The following COL1A1 variants were observed in gnomAD, a reference collection of about 807,000 sequenced individuals.
COL1A1 encodes collagen alpha-1(I) chain.
A neutral mutation model predicts 195.7 loss-of-function variants in COL1A1; 21 were observed. The ratio of observed to expected loss-of-function variants is 0.11; its 90% CI spans 0.08 to 0.15. COL1A1 has a LOEUF of 0.15. COL1A1 is among the 10% of genes least tolerant of loss of function. The probability of loss-of-function intolerance (pLI) is 1.00; values close to 1 mark genes in which losing one functional copy is unlikely to be tolerated. For missense variants in COL1A1, 1,365 were observed against 2,051.0 expected (o/e 0.67, Z 6.46); for synonymous variants, 749 against 747.3 (o/e 1.00, Z -0.04).
In COL1A1 at chr17:50,190,787, G is replaced by A. The variant is rs1045582292; in HGVS notation, c.2343+30C>T. 4.4e-6 allele frequency: 7 copies of A among 1,585,502 alleles called. No homozygotes were observed. Among genetic ancestry groups the A allele is most frequent in the Admixed American group, 1.7e-5 (1 of 59,934 alleles). On this transcript the variant is annotated intron_variant, in intron 33 of 50. Transcript: ENST00000225964. The surrounding 1 kb of genome is among the most constrained non-coding windows in gnomAD (Gnocchi z 4.7). ...GGCCTGCTGAGGAGGCTATGTGTTA[G>A]GGCAGAAGGTGGGGAGGCGGCCACC... is the stretch of plus-strand genomic sequence containing the variant.
In COL1A1 at chr17:50,184,116, C is replaced by T. The variant is rs1906242613; in HGVS notation, c.*1386G>A. ...GCGGATTATGTTTGGGTCATTTCCA[C>T]ATGCTTTATTCCAGCAATCAAAATA... On this transcript the variant is annotated 3_prime_UTR_variant, in exon 51 of 51. Coordinates refer to ENST00000225964, the MANE Select transcript of COL1A1 (RefSeq NM_000088.4). 5.1e-6 allele frequency: 1 copy of T among 197,824 alleles called. No homozygotes were observed. Among genetic ancestry groups the T allele is most frequent in the African/African-American group, 2.3e-5 (1 of 43,390 alleles). The allele number at this position is 197,824 out of a possible 1,614,324, so 12.3% of individuals were successfully genotyped here. A position where few individuals can be genotyped will look rare whatever the true frequency, so the allele number is the denominator to read the frequency against.
intron 14 of COL1A1, 50 bp from the exon 15 acceptor site, chr17:50,196,249 C>T: frequency 6.2e-7 from 1 of 1,612,512 alleles, no homozygotes; most frequent in Non-Finnish European, 8.5e-7. Context: ...ACTGGCCAGT[C>T]CCTAGAGTTC....
Position 50,196,304 on chromosome 17 carries a change from G to A in COL1A1, c.957+10C>T. On this transcript the variant is annotated intron_variant, in intron 14 of 50. Coordinates refer to ENST00000225964, the MANE Select transcript of COL1A1 (RefSeq NM_000088.4). ...GCTCAGGGATCCCCCAAGGGGCCAG[G>A]AGTACTTACAGCAGGGCCAGGGGCT... 1 of 1,607,998 alleles carries A rather than the reference G, an allele frequency of 6.2e-7. No individual in the cohort carries two copies. Among genetic ancestry groups the A allele is most frequent in the Non-Finnish European group, 8.5e-7 (1 of 1,176,890 alleles).
At chr17:50,187,455 A>T in intron 46 of COL1A1, 29 bp downstream of exon 46, 1 of 1,613,310 alleles carries the variant, frequency 6.2e-7, no homozygotes, top group Non-Finnish European at 8.5e-7. Context: ...CTTGGGGCTC[A>T]GGAAGAGGAG....
chr17:50,198,936 A>C (rs944069202), intron 5 of COL1A1, among the ~76,000 whole-genome samples: 2 of 151,926 alleles, frequency 1.3e-5, no homozygotes, highest in African/African-American at 4.8e-5. Context: ...TGTGTAGGTC[A>C]GTTAAGAGAA....
chr17:50,196,730 T>C (rs1173095146), intron 11 of COL1A1, 60 bp from the exon 12 acceptor site: 2 of 1,563,532 alleles, frequency 1.3e-6, no homozygotes, highest in Non-Finnish European at 1.8e-6. Flanking sequence ...AGCCTTGACA[T>C]CCACCTAGAT....
Position 50,199,945 on chromosome 17 carries a change from G to A in COL1A1, c.106C>T (p.Pro36Ser). ...CCGTTCTGTACGCAGGTGATTGGTG[G>A]GACTGGGACAGGCGGAAGAGGGGCG... ...GQVEGQDEDI[P>S]PITCVQNGLR... The change falls in exon 2 of 51, where the codon CCA becomes TCA. Residue 36 changes from proline to serine, a missense_variant and splice_region_variant. Around this residue, in one of 5 missense-constraint regions of COL1A1, gnomAD observed 194 missense variants for 221.7 expected, o/e 0.88. Transcript: ENST00000225964. 2.5e-6 allele frequency: 4 copies of A among 1,614,106 alleles called. No homozygotes were observed. The highest frequency in any genetic ancestry group is 3.4e-6 in the Non-Finnish European group (4 of 1,180,032).
At position 50,194,101 on chromosome 17, in the gene COL1A1, G is replaced by T; in HGVS notation, c.1668+29C>A. 1 of 1,611,670 alleles carries T rather than the reference G, an allele frequency of 6.2e-7. No homozygotes were observed. Among genetic ancestry groups the T allele is most frequent in the Non-Finnish European group, 8.5e-7 (1 of 1,177,906 alleles). On this transcript the variant is annotated intron_variant, in intron 24 of 50. Transcript: ENST00000225964. The surrounding 1 kb of genome is among the most constrained non-coding windows in gnomAD (Gnocchi z 6.8). ...CAGCAGGGAGGCAGACAGGACAATG[G>T]CAGGGGGTTCAGGGGGAGTGATACT... is the stretch of plus-strand genomic sequence containing the variant.
intron 14 of COL1A1, 54 bp from the exon 15 acceptor site, chr17:50,196,253 A>C: frequency 6.2e-7 from 1 of 1,612,452 alleles, no homozygotes; most frequent in Admixed American, 1.7e-5. Context: ...GCCAGTCCCT[A>C]GAGTTCCTGG....
chr17:50,193,672 G>A (rs1387274345), intron 25 of COL1A1: 4 of 435,936 alleles, frequency 9.2e-6, no homozygotes, highest in South Asian at 2.1e-5. Flanking sequence ...TAGTAGAGAC[G>A]TGGTTTCACT....
intron 45 of COL1A1, 132 bp downstream of exon 45, chr17:50,187,744 C>A (rs1479938726): frequency 1.0e-6 from 1 of 1,004,624 alleles, no homozygotes; most frequent in Non-Finnish European, 1.5e-6. Flanking sequence ...TGGACATGCC[C>A]ACAAATCTTC....
At chr17:50,199,524 C>T (rs367861935) in intron 3 of COL1A1, 32 bp downstream of exon 3, 3 of 1,614,050 alleles carry the variant, frequency 1.9e-6, no homozygotes, top group South Asian at 1.1e-5. Context: ...TCACGGGCCG[C>T]GCAGGGGCAA....
chr17:50,195,117 G>A lies in COL1A1; in HGVS notation c.1300-17C>T, dbSNP rs1907460166. On this transcript the variant is annotated splice_polypyrimidine_tract_variant and intron_variant, in intron 19 of 50. Coordinates refer to ENST00000225964, the MANE Select transcript of COL1A1 (RefSeq NM_000088.4). This position sits in a 1 kb window ranked among gnomAD's most constrained non-coding sequence, Gnocchi z 4.3. ...AGGTTCACCCTGCAAGGGGGGAGAA[G>A]AGGATGAGCTGAGAGTCGGGGGCGC... The A allele has an allele frequency of 6.2e-7, 1 of 1,613,588 alleles. No homozygotes were observed. The highest frequency in any genetic ancestry group is 8.5e-7 in the Non-Finnish European group (1 of 1,179,762).
At chr17:50,200,123 C>G in intron 1 of COL1A1, 176 bp from the exon 2 acceptor site, 1 of 710,788 alleles carries the variant, frequency 1.4e-6, no homozygotes. Flanking sequence ...GTGACAGCGC[C>G]GAGGCGCCTG....
chr17:50,190,523 A>T lies in COL1A1; in HGVS notation c.2397+20T>A, dbSNP rs763858370. ...AGGGAAGGGCCAAGTATGGGGTCTT[A>T]ACAGGTCTTCTGTACTTACGGGGGC... On this transcript the variant is annotated intron_variant, in intron 34 of 50. Transcript: ENST00000225964. The surrounding 1 kb of genome is among the most constrained non-coding windows in gnomAD (Gnocchi z 4.7). The T allele has an allele frequency of 2.5e-6, 4 of 1,612,960 alleles. No individual in the cohort carries two copies. The East Asian group carries it at 6.7e-5, about 27-fold the overall frequency.
Position 50,195,553 on chromosome 17 carries a change from T to G in COL1A1, c.1155+14A>C. On this transcript the variant is annotated intron_variant, in intron 17 of 50. Coordinates refer to ENST00000225964, the MANE Select transcript of COL1A1 (RefSeq NM_000088.4). The surrounding 1 kb of genome is among the most constrained non-coding windows in gnomAD (Gnocchi z 4.3). The stretch of plus-strand genomic sequence containing the variant: ...AGAAAGTGGCAAAGGGGACACTGAG[T>G]CGGGGACACTTACAGCAGGGCCAGC... 1.9e-6 allele frequency: 3 copies of G among 1,613,476 alleles called. No individual in the cohort carries two copies. Among genetic ancestry groups the G allele is most frequent in the Non-Finnish European group, 1.7e-6 (2 of 1,179,822 alleles).
At position 50,190,634 on chromosome 17, in the gene COL1A1, C is replaced by T. The variant is rs377400687; in HGVS notation, c.2344-38G>A. 1 of 1,605,338 alleles carries T rather than the reference C, an allele frequency of 6.2e-7. No homozygotes were observed. Among genetic ancestry groups the T allele is most frequent in the African/African-American group, 1.3e-5 (1 of 74,668 alleles). On this transcript the variant is annotated intron_variant, in intron 33 of 50. Transcript: ENST00000225964. The surrounding 1 kb of genome is among the most constrained non-coding windows in gnomAD (Gnocchi z 4.7). ...GACAAGAGGCTCAGGGTCAGGGCCT[C>T]CCCTGAATACTCCTAGTAGATGACC... is the stretch of plus-strand genomic sequence containing the variant.
rs1390855314 is a variant in COL1A1, at chr17:50,188,632, G to T, written c.3105C>A (p.Asp1035Glu). ...GTCCAGCGGGGCCGGTCTCACCACG[G>T]TCACCCTGGCGGGGAGAGCAGGGGA... ...GRDGSPGAKG[D>E]RGETGPAGPP... is the part of the protein sequence containing the mutation. The change falls in exon 43 of 51, where the codon GAC (aspartate) becomes GAA (glutamate). Residue 1035 changes from aspartate to glutamate, a missense_variant. Asp to Glu is a conservative substitution (Grantham distance 45). Transcript: ENST00000225964. This position sits in a 1 kb window ranked among gnomAD's most constrained non-coding sequence, Gnocchi z 5.6. The T allele has an allele frequency of 6.2e-7, 1 of 1,613,948 alleles. No homozygotes were observed. Among genetic ancestry groups the T allele is most frequent in the Non-Finnish European group, 8.5e-7 (1 of 1,179,946 alleles).
Position 50,185,448 on chromosome 17 carries a change from G to A in COL1A1, c.*54C>T. On this transcript the variant is annotated 3_prime_UTR_variant, in exon 51 of 51. Transcript: ENST00000225964. Reference sequence around the variant, plus strand: ...AGTTTGGGTTGCTTGTCTGTTTCCGGGTTGGGGGGAAAGTTGGTTGGGTGG... The same window carrying A: ...AGTTTGGGTTGCTTGTCTGTTTCCGAGTTGGGGGGAAAGTTGGTTGGGTGG... 6.2e-7 allele frequency: 1 copy of A among 1,610,676 alleles called. No homozygotes were observed. The highest frequency in any genetic ancestry group is 1.7e-5 in the Admixed American group (1 of 59,976).
Sources: gnomAD v4.1 joint callset for allele counts (sites outside exome capture counted in the v4.1 genomes callset) on GRCh38, gnomAD v4.1.1 for gene constraint, gnomAD v4.1.1 regional missense constraint, Gnocchi (gnomAD v3.1) non-coding constraint, MANE v1.5 for transcripts, NCBI Gene and HGNC (gene_info 2026-07-23, HGNC 2026-07-21) for gene names.